GSTA2: variants seen among roughly 807,000 people sequenced by gnomAD.
GSTA2 encodes the protein glutathione S-transferase alpha 2, also known as glutathione S-transferase A2.
A neutral mutation model predicts 22.4 loss-of-function variants in GSTA2; 27 were observed. The ratio of observed to expected loss-of-function variants is 1.21; its 90% CI spans 0.89 to 1.67. GSTA2 has a LOEUF of 1.67. GSTA2 is among the 40% of genes most tolerant of loss of function. The probability of loss-of-function intolerance (pLI) is 0.00; values close to 1 mark genes in which losing one functional copy is unlikely to be tolerated. For missense variants in GSTA2, 302 were observed against 260.2 expected, an observed-to-expected ratio of 1.16 and a Z score of -1.11; for synonymous variants, 121 against 86.8, an observed-to-expected ratio of 1.39 and a Z score of -2.19.
chr6:52,750,361 A>C lies in GSTA2; in HGVS notation c.*216T>G, dbSNP rs1762713013. ...AATTCCAAGAAAATTGTTGGCTAGGAGGAGATTGGAAAACTGAATTCACAT... is the reference window on the plus strand; with the variant it reads ...AATTCCAAGAAAATTGTTGGCTAGGCGGAGATTGGAAAACTGAATTCACAT... On this transcript the variant is annotated 3_prime_UTR_variant, in exon 7 of 7. Coordinates refer to ENST00000493422, the MANE Select transcript of GSTA2 (RefSeq NM_000846.5). 1 of 384,114 alleles carries C rather than the reference A, an allele frequency of 2.6e-6. No individual in the cohort carries two copies. Among genetic ancestry groups the C allele is most frequent in the Non-Finnish European group, 4.6e-6 (1 of 216,858 alleles). 23.8% of individuals were successfully genotyped at this position (384,114 alleles called of 1,614,324 possible).
At position 52,757,889 on chromosome 6, in the gene GSTA2, C is replaced by A. The variant is rs142063997; in HGVS notation, c.59G>T (p.Arg20Leu). The A allele has an allele frequency of 6.8e-6, 11 of 1,613,550 alleles. No homozygotes were observed. The highest frequency in any genetic ancestry group is 9.3e-6 in the Non-Finnish European group (11 of 1,179,688). ...TACTCCAGCTGCAGCCAGGAGCCAC[C>A]GGATGGACTCCATTCTGCCCCGTAT... ...SNIRGRMESIRWLLAAAGVEF... is the reference protein window; with the variant it reads ...SNIRGRMESILWLLAAAGVEF... The change falls in exon 2 of 7, where the codon CGG (arginine) becomes CTG (leucine). Residue 20 changes from arginine to leucine, a missense_variant. Transcript: ENST00000493422.
intron 2 of GSTA2, 149 bp from the exon 3 acceptor site, chr6:52,756,458 G>A: frequency 1.6e-6 from 1 of 613,578 alleles, no homozygotes; most frequent in Non-Finnish European, 2.9e-6. Context: ...ATGGCCATTT[G>A]GAAATTTAGA....
rs70977382 is a variant in GSTA2, at chr6:52,759,563, G to GTTTTTTTTTTT, written c.-30-1597_-30-1587dup. Among the ~76,000 whole-genome samples the GTTTTTTTTTTT allele has an allele frequency of 1.1e-3, 36 of 34,196 alleles. 10 individuals are homozygous for GTTTTTTTTTTT. Among genetic ancestry groups the GTTTTTTTTTTT allele is most frequent in the East Asian group, 1.8e-3 (2 of 1,134 alleles). The allele number at this position is 34,196 out of a possible 152,430, so 22.4% of individuals were successfully genotyped here. On this transcript the variant is annotated intron_variant, in intron 1 of 6. Transcript: ENST00000493422. The stretch of plus-strand genomic sequence containing the variant: ...CCTTTAACAACTAATGTATTTATTT[G>GTTTTTTTTTTT]TTTTTTTTTTTTTTTTTTTTTTTTT...
rs746659518 is a variant in GSTA2 at position 52,750,566 on chromosome 6, T to C, written c.*11A>G. 9.3e-6 allele frequency: 15 copies of C among 1,613,540 alleles called. No homozygotes were observed. Among genetic ancestry groups the C allele is most frequent in the Non-Finnish European group, 1.2e-5 (14 of 1,179,718 alleles). On this transcript the variant is annotated 3_prime_UTR_variant, in exon 7 of 7. Coordinates refer to ENST00000493422, the MANE Select transcript of GSTA2 (RefSeq NM_000846.5). The stretch of plus-strand genomic sequence containing the variant: ...TGGTCTTGCATGTTCTTGACCTCTA[T>C]GGCTGGTTTATTAAAACCTGAAAAT...
chr6:52,757,751 T>C, intron 2 of GSTA2, 110 bp downstream of exon 2: 1 of 959,768 alleles, frequency 1.0e-6, no homozygotes, highest in Non-Finnish European at 1.7e-6. Context: ...CAGTCCCTTT[T>C]TATTTAAGGC....
intron 1 of GSTA2, among the ~76,000 whole-genome samples, chr6:52,758,372 C>T (rs1762887236): frequency 6.6e-6 from 1 of 152,106 alleles, no homozygotes; most frequent in Non-Finnish European, 1.5e-5. Flanking sequence ...CCTTATAGTC[C>T]CATGAAATGA....
At position 52,756,286 on chromosome 6, in the gene GSTA2, A is replaced by G. The variant is rs1174509482; in HGVS notation, c.111T>C (p.Ser37=). The G allele has an allele frequency of 1.9e-6, 3 of 1,604,332 alleles. 1 individual carries two copies. The highest frequency in any genetic ancestry group is 2.2e-5 in the South Asian group (2 of 90,898). The change falls in exon 3 of 7, where the codon TCT becomes TCC. Residue 37 remains serine (S), a synonymous_variant. Coordinates refer to ENST00000493422, the MANE Select transcript of GSTA2 (RefSeq NM_000846.5). ...TTCTTAACTTGTCCAAATCTTCTGCAGATTTTATAAATTTCTCTTCAAACT... is the reference window on the plus strand; with the variant it reads ...TTCTTAACTTGTCCAAATCTTCTGCGGATTTTATAAATTTCTCTTCAAACT... ...GVEFEEKFIK[S]AEDLDKLRND...
Position 52,755,130 on chromosome 6 carries a change from A to C in GSTA2, c.140-55T>G, listed in dbSNP as rs1249661870. The C allele has an allele frequency of 3.1e-6, 5 of 1,590,734 alleles. No individual in the cohort carries two copies. The East Asian group carries it at 9.0e-5, about 29-fold the overall frequency. ...AAGTGTCTATGAAACCCACCATTTC[A>C]GGATGAAAAAAAATGGTTGTTGAAA... On this transcript the variant is annotated intron_variant, in intron 3 of 6. Coordinates refer to ENST00000493422, the MANE Select transcript of GSTA2 (RefSeq NM_000846.5).
In GSTA2 at chr6:52,750,573, T is replaced by C; in HGVS notation, c.*4A>G. The C allele has an allele frequency of 1.2e-6, 2 of 1,610,032 alleles. No homozygotes were observed. The highest frequency in any genetic ancestry group is 1.3e-5 in the African/African-American group (1 of 74,870). ...GCATGTTCTTGACCTCTATGGCTGG[T>C]TTATTAAAACCTGAAAATCTTCCTT... On this transcript the variant is annotated 3_prime_UTR_variant, in exon 7 of 7. Transcript: ENST00000493422.
At chr6:52,755,232 T>TTTA (rs1762818291) in intron 3 of GSTA2, among the ~76,000 whole-genome samples, 157 bp from the exon 4 acceptor site, 1 of 151,022 alleles carries the variant, frequency 6.6e-6, no homozygotes. Context: ...TTTTTTTTTT[T>TTTA]GAGGCAGAGT....
intron 1 of GSTA2, among the ~76,000 whole-genome samples, chr6:52,759,579 T>TG (rs1561897436): frequency 4.2e-5 from 5 of 119,940 alleles, no homozygotes; most frequent in East Asian, 2.3e-4. Flanking sequence ...TTTTTTTTTT[T>TG]TTTTTTTTTT....
chr6:52,754,236 T>C (rs73740521), intron 4 of GSTA2, among the ~76,000 whole-genome samples: 2,717 of 152,336 alleles, frequency 0.018, 87 homozygotes, highest in African/African-American at 0.061. Flanking sequence ...TTTGGGGATA[T>C]ACTTGTTAGA....
At chr6:52,754,713 G>C (rs914946000) in intron 4 of GSTA2, among the ~76,000 whole-genome samples, 10 of 152,068 alleles carry the variant, frequency 6.6e-5, no homozygotes, top group African/African-American at 2.4e-4. Context: ...CTTTGTCAGG[G>C]TGCTGTGTCC....
At chr6:52,752,560 C>T (rs141373805) in intron 5 of GSTA2, among the ~76,000 whole-genome samples, 154 of 152,292 alleles carry the variant, frequency 1.0e-3, no homozygotes, top group African/African-American at 3.5e-3. Context: ...CTAGTGTGGT[C>T]CAGAGCCTTC....
intron 1 of GSTA2, among the ~76,000 whole-genome samples, chr6:52,762,291 C>T (rs1311434366): frequency 6.6e-6 from 1 of 152,128 alleles, no homozygotes; most frequent in Non-Finnish European, 1.5e-5. Flanking sequence ...AGGAAGGCCT[C>T]TTTGCAGTTG....
intron 1 of GSTA2, among the ~76,000 whole-genome samples, chr6:52,760,162 G>T (rs889180692): frequency 6.6e-6 from 1 of 152,190 alleles, no homozygotes; most frequent in Non-Finnish European, 1.5e-5. Flanking sequence ...AAAGCGTAGG[G>T]TGTGCTTGTT....
At chr6:52,760,350 G>A (rs528752567) in intron 1 of GSTA2, among the ~76,000 whole-genome samples, 4 of 152,238 alleles carry the variant, frequency 2.6e-5, no homozygotes, top group Non-Finnish European at 5.9e-5. Flanking sequence ...GGTTTCCAAG[G>A]GTCAGGCTAA....
chr6:52,756,374 T>G, intron 2 of GSTA2, 65 bp from the exon 3 acceptor site: 1 of 1,275,214 alleles, frequency 7.8e-7, no homozygotes, highest in Non-Finnish European at 1.1e-6. Context: ...TGAAATTGAA[T>G]GGCCTCTATC....
intron 2 of GSTA2, among the ~76,000 whole-genome samples, chr6:52,757,107 C>G (rs1426672049): frequency 8.2e-6 from 1 of 121,730 alleles, no homozygotes; most frequent in Admixed American, 8.9e-5. Flanking sequence ...AGTACAGAAC[C>G]TGGAATTAAT....
Sources: gnomAD v4.1 joint callset for allele counts (sites outside exome capture counted in the v4.1 genomes callset) on GRCh38, gnomAD v4.1.1 for gene constraint, MANE v1.5 for transcripts, NCBI Gene and HGNC (gene_info 2026-07-23, HGNC 2026-07-21) for gene names.